The following FBXO25 variants were observed in gnomAD, a reference collection of about 807,000 sequenced individuals.
FBXO25 encodes the protein F-box protein 25.
Under a neutral mutation model 51.9 loss-of-function variants are expected in FBXO25, and 45 were observed. That is an observed-to-expected ratio of 0.87 (90% CI 0.68 to 1.11). The LOEUF (loss-of-function observed/expected upper bound fraction) is 1.11, where lower values mean the gene tolerates loss of function less well. Ranked by LOEUF, FBXO25 falls within the 50% of genes most tolerant of loss-of-function variation. The pLI, the probability that FBXO25 is intolerant of heterozygous loss-of-function variation, is 0.00. For missense variants in FBXO25, 507 were observed against 428.5 expected (o/e 1.18, Z -1.62); for synonymous variants, 199 against 151.0 (o/e 1.32, Z -2.33).
intron 2 of FBXO25, among the ~76,000 whole-genome samples, chr8:417,197 C>G (rs1796860514): frequency 6.6e-6 from 1 of 152,168 alleles, no homozygotes; most frequent in African/African-American, 2.4e-5. Flanking sequence ...TACCTGTTGT[C>G]ATAGTAAGGA....
intron 2 of FBXO25, among the ~76,000 whole-genome samples, chr8:417,416 T>G (rs1425281679): frequency 6.6e-6 from 1 of 152,192 alleles, no homozygotes; most frequent in Non-Finnish European, 1.5e-5. Flanking sequence ...AGGCGGTGGA[T>G]GAGGAAGGGC....
Position 445,366 on chromosome 8 carries a change from C to T in FBXO25, c.382-4624C>T, listed in dbSNP as rs945396874. On this transcript the variant is annotated intron_variant, in intron 5 of 9. Coordinates refer to ENST00000350302, the MANE Select transcript of FBXO25 (RefSeq NM_183420.2). ...GGAAGACCTTATCTCCCAGGGAACA[C>T]ATATTCTCTGTTCTGGTATTTCTTC... Among the ~76,000 whole-genome samples the T allele has an allele frequency of 1.5e-4, 23 of 152,304 alleles. 1 individual carries two copies. The highest frequency in any genetic ancestry group is 1.3e-3 in the Admixed American group (20 of 15,300).
chr8:448,353 C>A (rs373413833), intron 5 of FBXO25, among the ~76,000 whole-genome samples: 1 of 152,194 alleles, frequency 6.6e-6, no homozygotes, highest in Admixed American at 6.5e-5. Context: ...AAGAACCTCC[C>A]AATGGCTGAA....
intron 5 of FBXO25, among the ~76,000 whole-genome samples, chr8:439,830 G>C (rs561338661): frequency 3.9e-4 from 59 of 152,314 alleles, no homozygotes; most frequent in African/African-American, 1.4e-3. Flanking sequence ...CACTTTGGGA[G>C]GCTGAGGCAG....
intron 5 of FBXO25, among the ~76,000 whole-genome samples, chr8:448,390 A>G (rs59049187): frequency 0.015 from 2,226 of 152,316 alleles, 61 homozygotes; most frequent in East Asian, 0.11. Context: ...TACTGAGGGA[A>G]AAGATCAGGG....
At chr8:453,018 T>C (rs73669384) in intron 7 of FBXO25, among the ~76,000 whole-genome samples, 4,791 of 152,186 alleles carry the variant, frequency 0.031, 222 homozygotes, top group African/African-American at 0.096. Context: ...CCATAGCCAG[T>C]GAAGGAAGAC....
intron 3 of FBXO25, among the ~76,000 whole-genome samples, chr8:431,732 A>C (rs1303478510): frequency 1.3e-5 from 2 of 152,246 alleles, no homozygotes; most frequent in Admixed American, 1.3e-4. Context: ...CAGTGAGGCC[A>C]AACTGAGAGG....
In FBXO25 at chr8:418,333, C is replaced by CTTTTTTTTT. The variant is rs1207244013; in HGVS notation, c.134+5136_134+5144dup. 1.7e-3 allele frequency among the ~76,000 whole-genome samples: 124 copies of CTTTTTTTTT among 72,336 alleles called. 6 individuals carry two copies. The highest frequency in any genetic ancestry group is 1.9e-3 in the Non-Finnish European group (76 of 39,940). 47.5% of individuals were successfully genotyped at this position (72,336 alleles called of 152,430 possible). On this transcript the variant is annotated intron_variant, in intron 2 of 9. Transcript: ENST00000350302. Reference sequence around the variant, plus strand: ...CCTTTCTTTTGTTCGTTTGTTTGTTCTTTTTTTTTTTTTTTTTTTTTTTTG... The same window carrying CTTTTTTTTT: ...CCTTTCTTTTGTTCGTTTGTTTGTTCTTTTTTTTTTTTTTTTTTTTTTTTTTTTTTTTTG...
intron 2 of FBXO25, among the ~76,000 whole-genome samples, chr8:415,608 G>C (rs1390480051): frequency 1.3e-5 from 2 of 152,168 alleles, no homozygotes; most frequent in Non-Finnish European, 2.9e-5. Flanking sequence ...GGTGATGTCT[G>C]CACAGCTGGA....
At chr8:440,594 T>A (rs1434046747) in intron 5 of FBXO25, among the ~76,000 whole-genome samples, 1 of 151,726 alleles carries the variant, frequency 6.6e-6, no homozygotes, top group African/African-American at 2.4e-5. Context: ...TTTTTTAAAT[T>A]TTTTAAATTA....
intron 2 of FBXO25, among the ~76,000 whole-genome samples, chr8:416,579 G>C (rs1326671621): frequency 1.3e-5 from 2 of 152,136 alleles, no homozygotes; most frequent in African/African-American, 4.8e-5. Context: ...CTTTGCTCTT[G>C]ATGGGAAGGA....
chr8:426,982 C>T (rs11996480), intron 2 of FBXO25, among the ~76,000 whole-genome samples: 1 of 151,948 alleles, frequency 6.6e-6, no homozygotes, highest in African/African-American at 2.4e-5. Flanking sequence ...ACTTTCTCTT[C>T]TGAATTTTCT....
intron 2 of FBXO25, among the ~76,000 whole-genome samples, chr8:421,553 C>T (rs1220758271): frequency 6.6e-6 from 1 of 152,124 alleles, no homozygotes; most frequent in African/African-American, 2.4e-5. Flanking sequence ...TAGAGTTATC[C>T]TGTGGTTCTG....
intron 5 of FBXO25, among the ~76,000 whole-genome samples, chr8:436,753 G>A (rs189423116): frequency 2.6e-5 from 4 of 152,318 alleles, no homozygotes; most frequent in Admixed American, 2.0e-4. Flanking sequence ...TCAGCAGAGA[G>A]GTCTGTTTAG....
chr8:433,184 T>C (rs1394181509), intron 4 of FBXO25, among the ~76,000 whole-genome samples: 1 of 152,074 alleles, frequency 6.6e-6, no homozygotes, highest in Non-Finnish European at 1.5e-5. Flanking sequence ...GTGTTGTGTG[T>C]ATGGTGTATG....
Position 477,422 on chromosome 8 carries a change from T to C in FBXO25, c.*8618T>C, listed in dbSNP as rs1308956285. 3 of 152,272 alleles carry C rather than the reference T, an allele frequency of 2.0e-5. No homozygotes were observed. The highest frequency in any genetic ancestry group is 2.9e-5 in the Non-Finnish European group (2 of 68,046). The allele number at this position is 152,272 out of a possible 1,614,324, so 9.4% of individuals were successfully genotyped here. On this transcript the variant is annotated 3_prime_UTR_variant, in exon 10 of 10. Coordinates refer to ENST00000350302, the MANE Select transcript of FBXO25 (RefSeq NM_183420.2). ...TTTGATTCTGTCAATGTTTGTTTCATATATTTTGGGCTCTGATGTTTGGTG... is the reference window on the plus strand; with the variant it reads ...TTTGATTCTGTCAATGTTTGTTTCACATATTTTGGGCTCTGATGTTTGGTG...
chr8:442,404 C>CT (rs1209797597), intron 5 of FBXO25, among the ~76,000 whole-genome samples: 14 of 149,760 alleles, frequency 9.3e-5, no homozygotes, highest in Non-Finnish European at 1.8e-4. Context: ...CTACAGGTTA[C>CT]TTTTTTTTTT....
intron 6 of FBXO25, among the ~76,000 whole-genome samples, chr8:450,305 A>G (rs1263684847): frequency 6.6e-6 from 1 of 152,234 alleles, no homozygotes; most frequent in East Asian, 1.9e-4. Context: ...TGGATATATT[A>G]GGAAAAATAA....
chr8:440,466 G>C (rs561118216), intron 5 of FBXO25, among the ~76,000 whole-genome samples: 1 of 152,196 alleles, frequency 6.6e-6, no homozygotes, highest in African/African-American at 2.4e-5. Flanking sequence ...GACCAAAAAC[G>C]TAGCTGTCCT....
Sources: gnomAD v4.1 joint callset for allele counts (sites outside exome capture counted in the v4.1 genomes callset) on GRCh38, gnomAD v4.1.1 for gene constraint, MANE v1.5 for transcripts, NCBI Gene and HGNC (gene_info 2026-07-23, HGNC 2026-07-21) for gene names.